VSNL1: variants seen among roughly 807,000 people sequenced by gnomAD.
VSNL1 encodes the protein visinin like 1, also known as visinin-like protein 1.
In VSNL1, 6 loss-of-function variants were observed where a neutral mutation model predicts 20.4. The ratio of observed to expected loss-of-function variants is 0.29; its 90% CI spans 0.16 to 0.58. VSNL1 has a LOEUF of 0.58. Ranked by LOEUF, VSNL1 falls within the 20% of genes least tolerant of loss-of-function variation. The probability of loss-of-function intolerance (pLI) is 0.90; values close to 1 mark genes in which losing one functional copy is unlikely to be tolerated. For missense variants in VSNL1, 100 were observed against 234.5 expected (o/e 0.43, Z 3.75); for synonymous variants, 93 against 86.4 (o/e 1.08, Z -0.42).
intron 1 of VSNL1, among the ~76,000 whole-genome samples, chr2:17,556,538 A>G (rs760772961): frequency 1.3e-5 from 2 of 152,212 alleles, no homozygotes; most frequent in Non-Finnish European, 2.9e-5. Context: ...TCTATTTCAC[A>G]TAGTCCTTGT....
intron 1 of VSNL1, among the ~76,000 whole-genome samples, chr2:17,543,968 C>T (rs1049328312): frequency 1.3e-5 from 2 of 152,110 alleles, no homozygotes; most frequent in African/African-American, 4.8e-5. Flanking sequence ...TGTTTCTTCT[C>T]CAAAAATGTA....
intron 2 of VSNL1, among the ~76,000 whole-genome samples, chr2:17,640,501 G>A (rs1665860570): frequency 6.6e-6 from 1 of 152,136 alleles, no homozygotes; most frequent in African/African-American, 2.4e-5. Flanking sequence ...TGGCAGAGAT[G>A]GGATCATGTG....
intron 1 of VSNL1, among the ~76,000 whole-genome samples, chr2:17,588,736 G>T (rs1028432147): frequency 6.6e-6 from 1 of 152,146 alleles, no homozygotes; most frequent in African/African-American, 2.4e-5. Flanking sequence ...ATCTCCAGGA[G>T]GGCTGAATAT....
intron 1 of VSNL1, among the ~76,000 whole-genome samples, chr2:17,554,914 A>G (rs955830083): frequency 2.6e-5 from 4 of 152,202 alleles, no homozygotes; most frequent in Admixed American, 6.5e-5. Context: ...TGATCTTTTC[A>G]ATTAAAATTC....
chr2:17,594,736 A>G (rs2710694), intron 2 of VSNL1, among the ~76,000 whole-genome samples: 142,163 of 152,202 alleles, frequency 0.93, 67,115 homozygotes, highest in East Asian at 1. Flanking sequence ...CCTTTCCAGG[A>G]GGAAGTCAAC....
At chr2:17,612,113 G>A (rs2555088) in intron 2 of VSNL1, among the ~76,000 whole-genome samples, 1,854 of 152,324 alleles carry the variant, frequency 0.012, 35 homozygotes, top group African/African-American at 0.043. Context: ...TGCATACCGT[G>A]AGAATGAGGA....
intron 1 of VSNL1, among the ~76,000 whole-genome samples, chr2:17,561,250 A>T (rs187040373): frequency 1.4e-3 from 213 of 152,316 alleles, no homozygotes; most frequent in Non-Finnish European, 2.5e-3. Context: ...CAGCCTATGG[A>T]ATCTAGGACA....
In VSNL1 at chr2:17,602,771, A is replaced by AAAAAT. The variant is rs1170664824; in HGVS notation, c.162+10556_162+10560dup. Among the ~76,000 whole-genome samples the AAAAAT allele has an allele frequency of 4.8e-3, 433 of 90,520 alleles. 10 individuals are homozygous for AAAAAT. Among genetic ancestry groups the AAAAAT allele is most frequent in the Admixed American group, 0.031 (319 of 10,230 alleles). 59.4% of individuals were successfully genotyped at this position (90,520 alleles called of 152,430 possible). On this transcript the variant is annotated intron_variant, in intron 2 of 3. Transcript: ENST00000295156. ...ATAAATATAAAATAAAATAAAATAA[A>AAAAAT]AAAATAAAATAAAATAAAATAAAAT...
At chr2:17,601,998 A>G (rs1350005419) in intron 2 of VSNL1, among the ~76,000 whole-genome samples, 1 of 152,218 alleles carries the variant, frequency 6.6e-6, no homozygotes. Context: ...TTGGACTTGA[A>G]CATGCAAAAT....
chr2:17,640,431 A>G (rs1432862150), intron 2 of VSNL1, among the ~76,000 whole-genome samples: 5 of 152,176 alleles, frequency 3.3e-5, no homozygotes, highest in Non-Finnish European at 7.4e-5. Context: ...ACTTCTCTAC[A>G]TGATGCATTT....
At chr2:17,627,758 T>C (rs1017754119) in intron 2 of VSNL1, among the ~76,000 whole-genome samples, 2 of 152,230 alleles carry the variant, frequency 1.3e-5, no homozygotes, top group South Asian at 2.1e-4. Flanking sequence ...TCAAGAGTGA[T>C]TGAGGAAGTT....
At position 17,649,671 on chromosome 2, in the gene VSNL1, C is replaced by T; in HGVS notation, c.378+46C>T. The T allele has an allele frequency of 6.3e-7, 1 of 1,590,460 alleles. No homozygotes were observed. Among genetic ancestry groups the T allele is most frequent in the African/African-American group, 1.3e-5 (1 of 74,510 alleles). On this transcript the variant is annotated intron_variant, in intron 3 of 3. Transcript: ENST00000295156. This position sits in a 1 kb window ranked among gnomAD's most constrained non-coding sequence, Gnocchi z 6.4. ...GGCGGGTGGTGGGCACAGAAGGAGA[C>T]CCCACGGCAGCCTCCTAGGTGCAGG...
intron 1 of VSNL1, among the ~76,000 whole-genome samples, chr2:17,564,269 G>C (rs1195032053): frequency 6.6e-6 from 1 of 152,064 alleles, no homozygotes; most frequent in Admixed American, 6.6e-5. Flanking sequence ...TGCCTTCCTT[G>C]AGTCTTTCCA....
chr2:17,629,096 C>T (rs1665575482), intron 2 of VSNL1, among the ~76,000 whole-genome samples: 1 of 152,228 alleles, frequency 6.6e-6, no homozygotes, highest in Non-Finnish European at 1.5e-5. Flanking sequence ...GTGTCTGTCC[C>T]ACCTGGCCCT....
At chr2:17,650,805 AC>A (rs1406102624) in intron 3 of VSNL1, among the ~76,000 whole-genome samples, 1 of 152,014 alleles carries the variant, frequency 6.6e-6, no homozygotes, top group Admixed American at 6.5e-5. Flanking sequence ...TCACTTGCAC[AC>A]CCTCTCATTC....
intron 1 of VSNL1, among the ~76,000 whole-genome samples, chr2:17,545,659 C>A (rs949744031): frequency 5.3e-5 from 8 of 152,058 alleles, no homozygotes; most frequent in African/African-American, 1.9e-4. Flanking sequence ...AAATAGTTTG[C>A]GTTGCTCCCA....
At chr2:17,584,794 C>G (rs16983672) in intron 1 of VSNL1, among the ~76,000 whole-genome samples, 5,017 of 152,234 alleles carry the variant, frequency 0.033, 89 homozygotes, top group East Asian at 0.097. Context: ...CAGCAGGCAT[C>G]AGTCTTATCG....
At chr2:17,585,808 CT>C (rs55893675) in intron 1 of VSNL1, among the ~76,000 whole-genome samples, 359 of 143,064 alleles carry the variant, frequency 2.5e-3, no homozygotes, top group Middle Eastern at 3.6e-3. Flanking sequence ...TTCTTTTTTT[CT>C]TTTTTTTTTT....
chr2:17,635,244 C>G (rs950702122), intron 2 of VSNL1, among the ~76,000 whole-genome samples: 22 of 152,130 alleles, frequency 1.4e-4, no homozygotes, highest in African/African-American at 5.1e-4. Flanking sequence ...GGGCTCTGGT[C>G]CTGTGCCAGG....
Sources: allele counts gnomAD v4.1 joint callset (sites outside exome capture counted in the v4.1 genomes callset), GRCh38; gene constraint gnomAD v4.1.1; non-coding constraint Gnocchi (gnomAD v3.1); transcripts MANE v1.5; gene names NCBI Gene and HGNC (gene_info 2026-07-23, HGNC 2026-07-21).